The following FOXP2 variants were observed in gnomAD, a reference collection of about 807,000 sequenced individuals.
The protein encoded by FOXP2 is forkhead box P2, also known as forkhead box protein P2.
Under a neutral mutation model 115.8 loss-of-function variants are expected in FOXP2, and 12 were observed. That is an observed-to-expected ratio of 0.10 (90% CI 0.07 to 0.17). The LOEUF (loss-of-function observed/expected upper bound fraction) is 0.17. FOXP2 is among the 10% of genes least tolerant of loss of function. The pLI, the probability that FOXP2 is intolerant of heterozygous loss-of-function variation, is 1.00. For synonymous variants in FOXP2, 328 were observed against 297.7 expected, an observed-to-expected ratio of 1.10 and a Z score of -1.05; for missense variants, 629 against 843.5, an observed-to-expected ratio of 0.75 and a Z score of 3.15.
chr7:114,408,326 T>C (rs1000048771), intron 2 of FOXP2, among the ~76,000 whole-genome samples: 11 of 152,182 alleles, frequency 7.2e-5, no homozygotes, highest in Non-Finnish European at 1.6e-4. Context: ...AGTTTCTCAC[T>C]ATAATTTTCT....
intron 2 of FOXP2, among the ~76,000 whole-genome samples, chr7:114,470,313 A>G (rs1221976978): frequency 6.6e-6 from 1 of 152,116 alleles, no homozygotes; most frequent in African/African-American, 2.4e-5. Flanking sequence ...AAATGCTCAC[A>G]AACACATACC....
intron 2 of FOXP2, among the ~76,000 whole-genome samples, chr7:114,335,104 T>C (rs1797818968): frequency 6.6e-6 from 1 of 151,236 alleles, no homozygotes; most frequent in Non-Finnish European, 1.5e-5. Flanking sequence ...TCCTGTGAAC[T>C]CCTTTATTTG....
At chr7:114,563,196 A>T (rs973125149) in intron 3 of FOXP2, among the ~76,000 whole-genome samples, 1 of 152,176 alleles carries the variant, frequency 6.6e-6, no homozygotes, top group African/African-American at 2.4e-5. Context: ...AGGGAACTAC[A>T]ATTCAAGATG....
intron 2 of FOXP2, among the ~76,000 whole-genome samples, chr7:114,394,455 A>G (rs1792691086): frequency 6.6e-6 from 1 of 151,930 alleles, no homozygotes; most frequent in South Asian, 2.1e-4. Context: ...ATAGAAATTG[A>G]AAAGTTCAGT....
intron 3 of FOXP2, among the ~76,000 whole-genome samples, chr7:114,566,827 A>C (rs1801048368): frequency 1.3e-5 from 2 of 151,990 alleles, no homozygotes; most frequent in African/African-American, 4.8e-5. Flanking sequence ...AGTTATATTA[A>C]ATAATTTAAA....
chr7:114,291,972 A>AGATAATATATAGAATATATATTATG (rs1796613161), intron 2 of FOXP2, among the ~76,000 whole-genome samples: 1 of 136,254 alleles, frequency 7.3e-6, no homozygotes, highest in Non-Finnish European at 1.6e-5. Context: ...TATATATTAT[A>AGATAATATATAGAATATATATTATG]GATAATATAT....
chr7:114,386,121 G>A (rs1792444799), intron 2 of FOXP2, among the ~76,000 whole-genome samples: 1 of 152,296 alleles, frequency 6.6e-6, no homozygotes, highest in Non-Finnish European at 1.5e-5. Flanking sequence ...ACACCCTGCC[G>A]GATCCAGAGG....
At position 114,658,421 on chromosome 7, in the gene FOXP2, C is replaced by T. The variant is rs545609725; in HGVS notation, c.1468+154C>T. Among the ~76,000 whole-genome samples, 14 of 152,146 alleles carry T rather than the reference C, an allele frequency of 9.2e-5. No individual in the cohort carries two copies. The East Asian group carries it at 1.7e-3, about 19-fold the overall frequency. On this transcript the variant is annotated intron_variant, in intron 11 of 16. Transcript: ENST00000350908. ...TATTCCTGGTAAATGCGAATAGGGG[C>T]GATTCCCTAAGCACATCATGATGAA...
intron 16 of FOXP2, among the ~76,000 whole-genome samples, chr7:114,675,169 A>G (rs372720687): frequency 1.3e-5 from 2 of 152,136 alleles, no homozygotes; most frequent in African/African-American, 4.8e-5. Context: ...TGAATCTACC[A>G]TCAAATTCCA....
intron 2 of FOXP2, among the ~76,000 whole-genome samples, chr7:114,506,840 G>T (rs557340112): frequency 5.6e-4 from 85 of 151,786 alleles, no homozygotes; most frequent in Non-Finnish European, 8.9e-4. Context: ...AGTGAGTGAT[G>T]GAACATTGAA....
intron 1 of FOXP2, among the ~76,000 whole-genome samples, chr7:114,208,910 A>G (rs1794271662): frequency 6.6e-6 from 1 of 152,036 alleles, no homozygotes; most frequent in African/African-American, 2.4e-5. Context: ...TCCCCATCTC[A>G]GGTATGTCTT....
chr7:114,095,014 T>C (rs1037819716), intron 1 of FOXP2, among the ~76,000 whole-genome samples: 1 of 152,182 alleles, frequency 6.6e-6, no homozygotes, highest in Non-Finnish European at 1.5e-5. Flanking sequence ...TAGGAAATTT[T>C]ACATTAAAGG....
rs931989606 is a variant in FOXP2 at position 114,673,391 on chromosome 7, A to G, written c.2003+8955A>G. Among the ~76,000 whole-genome samples the G allele has an allele frequency of 5.6e-4, 85 of 152,186 alleles. 4 individuals carry two copies. The highest frequency in any genetic ancestry group is 7.3e-5 in the Non-Finnish European group (5 of 68,032). On this transcript the variant is annotated intron_variant, in intron 16 of 16. Transcript: ENST00000350908. ...ATTACATCTGTATTTTCATTTTATT[A>G]CAGCTGTTTTGGTCACAACTATCAC...
chr7:114,690,229 T>G lies in FOXP2; in HGVS notation c.*303T>G, dbSNP rs776095258. On this transcript the variant is annotated 3_prime_UTR_variant, in exon 17 of 17. Coordinates refer to ENST00000350908, the MANE Select transcript of FOXP2 (RefSeq NM_014491.4). The stretch of plus-strand genomic sequence containing the variant: ...AATGGCTTTGCCCATTTAAAAAATG[T>G]GGCTCTTAAGGGTTCATGAAATGAC... 8 of 479,494 alleles carry G rather than the reference T, an allele frequency of 1.7e-5. No homozygotes were observed. Among genetic ancestry groups the G allele is most frequent in the Non-Finnish European group, 3.3e-5 (8 of 244,748 alleles). The allele number at this position is 479,494 out of a possible 1,614,324, so 29.7% of individuals were successfully genotyped here. A position where few individuals can be genotyped will look rare whatever the true frequency, so the allele number is the denominator to read the frequency against.
At chr7:114,575,524 C>T (rs780693407) in intron 3 of FOXP2, among the ~76,000 whole-genome samples, 10 of 151,848 alleles carry the variant, frequency 6.6e-5, no homozygotes, top group Non-Finnish European at 1.0e-4. Flanking sequence ...GACTTGTTCA[C>T]TCACACAAAA....
chr7:114,290,962 G>T (rs538472935), intron 2 of FOXP2, among the ~76,000 whole-genome samples: 1 of 152,158 alleles, frequency 6.6e-6, no homozygotes, highest in East Asian at 1.9e-4. Flanking sequence ...CATTTCAATC[G>T]TTGACTGTAT....
At chr7:114,481,794 ATC>A (rs1261033531) in intron 2 of FOXP2, among the ~76,000 whole-genome samples, 1 of 150,774 alleles carries the variant, frequency 6.6e-6, no homozygotes, top group African/African-American at 2.4e-5. Flanking sequence ...CTATCTATCT[ATC>A]TATCTATCTA....
chr7:114,636,260 A>G (rs1354301572), intron 6 of FOXP2, among the ~76,000 whole-genome samples: 1 of 152,190 alleles, frequency 6.6e-6, no homozygotes, highest in East Asian at 1.9e-4. Flanking sequence ...CTTTTGTAAT[A>G]TATACCCTTT....
chr7:114,527,667 C>A (rs894746271), intron 2 of FOXP2, among the ~76,000 whole-genome samples: 2 of 152,134 alleles, frequency 1.3e-5, no homozygotes, highest in Non-Finnish European at 2.9e-5. Flanking sequence ...TGCCATCAGG[C>A]AAACAGCATA....
Sources: allele counts gnomAD v4.1 joint callset (sites outside exome capture counted in the v4.1 genomes callset), GRCh38; gene constraint gnomAD v4.1.1; transcripts MANE v1.5; gene names NCBI Gene and HGNC (gene_info 2026-07-23, HGNC 2026-07-21).